The following SMAD6 variants were observed in gnomAD, a reference collection of about 807,000 sequenced individuals.
SMAD6 encodes SMAD family member 6.
A neutral mutation model predicts 39.4 loss-of-function variants in SMAD6; 103 were observed. The observed-to-expected ratio is 2.62, with a 90% CI of 2.23 to 3.08. The LOEUF is 3.08. SMAD6 is among the 30% of genes most tolerant of loss of function. SMAD6 has a pLI of 0.00. For missense variants in SMAD6, 1,104 were observed against 742.9 expected (o/e 1.49, Z -5.65); for synonymous variants, 445 against 353.3 (o/e 1.26, Z -2.91).
Position 66,747,648 on chromosome 15 carries a change from C to T in SMAD6, c.952+31150C>T, listed in dbSNP as rs909468994. 6.6e-6 allele frequency among the ~76,000 whole-genome samples: 1 copy of T among 152,212 alleles called. No homozygotes were observed. Among genetic ancestry groups the T allele is most frequent in the South Asian group, 2.1e-4 (1 of 4,834 alleles). On this transcript the variant is annotated intron_variant, in intron 3 of 3. Coordinates refer to ENST00000288840, the MANE Select transcript of SMAD6 (RefSeq NM_005585.5). This position sits in a 1 kb window ranked among gnomAD's most constrained non-coding sequence, Gnocchi z 4.5. The stretch of plus-strand genomic sequence containing the variant: ...TAGCCTTCCTCGGACACTGACTCCA[C>T]GGTTTCCCCCTTAGTCATACCTACC...
intron 3 of SMAD6, among the ~76,000 whole-genome samples, chr15:66,757,184 A>G (rs1028373790): frequency 1.3e-5 from 2 of 152,174 alleles, no homozygotes; most frequent in Admixed American, 6.5e-5. Flanking sequence ...TGAGACACGC[A>G]AAACACAGCA....
intron 3 of SMAD6, among the ~76,000 whole-genome samples, chr15:66,719,656 T>G (rs1893397078): frequency 6.6e-6 from 1 of 152,172 alleles, no homozygotes; most frequent in Admixed American, 6.5e-5. Context: ...GTCTCTGCTT[T>G]ACTTCCCTGT....
intron 3 of SMAD6, among the ~76,000 whole-genome samples, chr15:66,720,877 C>T (rs1481474194): frequency 6.6e-6 from 1 of 152,198 alleles, no homozygotes; most frequent in Non-Finnish European, 1.5e-5. Flanking sequence ...AACCTTGGCC[C>T]TCTGTGCCTG....
intron 3 of SMAD6, among the ~76,000 whole-genome samples, chr15:66,748,288 G>A (rs1422545348): frequency 2.6e-5 from 4 of 151,836 alleles, no homozygotes; most frequent in African/African-American, 9.7e-5. Flanking sequence ...AATATCAGAA[G>A]AGTTTGTGTG....
At chr15:66,723,701 AAAAC>A (rs1382734855) in intron 3 of SMAD6, among the ~76,000 whole-genome samples, 1 of 152,222 alleles carries the variant, frequency 6.6e-6, no homozygotes, top group African/African-American at 2.4e-5. Context: ...ATAAAAATTA[AAAAC>A]AAAGAAGAAT....
At chr15:66,751,613 G>A (rs1894007473) in intron 3 of SMAD6, among the ~76,000 whole-genome samples, 1 of 152,244 alleles carries the variant, frequency 6.6e-6, no homozygotes, top group Non-Finnish European at 1.5e-5. Context: ...CCTGTGTCAA[G>A]GTCAATGCAA....
At position 66,767,959 on chromosome 15, in the gene SMAD6, CTTT is replaced by C. The variant is rs71142337; in HGVS notation, c.953-13013_953-13011del. ...TTGGAGTGATTATCCCAAGCTGCAT[CTTT>C]TTTTTTTTTTTTTTTTTTTTTTTTG... is the stretch of plus-strand genomic sequence containing the variant. On this transcript the variant is annotated intron_variant, in intron 3 of 3. Transcript: ENST00000288840. Among the ~76,000 whole-genome samples the C allele has an allele frequency of 6.5e-3, 389 of 60,266 alleles. 16 individuals carry two copies. In the East Asian group the frequency reaches 0.17, roughly 26 times the overall value. 39.5% of individuals were successfully genotyped at this position (60,266 alleles called of 152,430 possible). A position where few individuals can be genotyped will look rare whatever the true frequency, so the allele number is the denominator to read the frequency against.
intron 1 of SMAD6, among the ~76,000 whole-genome samples, chr15:66,710,112 T>C (rs1235751803): frequency 6.6e-6 from 1 of 152,192 alleles, no homozygotes; most frequent in Non-Finnish European, 1.5e-5. Context: ...GAATCCCAGC[T>C]CCACCATGAC....
chr15:66,706,173 C>G (rs1893106554), intron 1 of SMAD6: 1 of 152,290 alleles, frequency 6.6e-6, no homozygotes, highest in South Asian at 2.1e-4. Flanking sequence ...TGGTCCCAGG[C>G]TCTGCCCAGC....
intron 3 of SMAD6, among the ~76,000 whole-genome samples, chr15:66,768,044 A>T (rs566875742): frequency 1.1e-4 from 14 of 131,944 alleles, no homozygotes; most frequent in African/African-American, 4.1e-4. Context: ...ACCACGGTTC[A>T]CTGCAGCCTC....
intron 2 of SMAD6, among the ~76,000 whole-genome samples, chr15:66,715,852 G>C (rs1181262061): frequency 2.6e-5 from 4 of 151,988 alleles, no homozygotes; most frequent in Non-Finnish European, 2.9e-5. Context: ...GTTAGGGAGT[G>C]GGGGAGGGGA....
At chr15:66,748,618 C>T (rs894527473) in intron 3 of SMAD6, among the ~76,000 whole-genome samples, 2 of 152,130 alleles carry the variant, frequency 1.3e-5, no homozygotes, top group East Asian at 1.9e-4. Context: ...ATCTTTAAAA[C>T]GTTAGCGTTT....
chr15:66,761,118 G>A (rs1400140636), intron 3 of SMAD6, among the ~76,000 whole-genome samples: 4 of 152,148 alleles, frequency 2.6e-5, no homozygotes, highest in African/African-American at 9.7e-5. Flanking sequence ...CAGATGGGGC[G>A]TCTGGATTGC....
In SMAD6 at chr15:66,703,492, G is replaced by C. The variant is rs1893026255; in HGVS notation, c.234G>C (p.Gln78His). Residue 78 changes from glutamine (Q) to histidine (H), a missense_variant, in exon 1 of 4, where the codon CAG (glutamine) becomes CAC (histidine). Transcript: ENST00000288840. ...ACGCAGTGGGACAGCGAGGCGCCCA[G>C]GGCGCGGGGAGGCGCCGGCGCGCAG... Reference protein sequence around the residue: ...PRDAVGQRGAQGAGRRRRAGG... With the variant: ...PRDAVGQRGAHGAGRRRRAGG... 2 of 1,232,330 alleles carry C rather than the reference G, an allele frequency of 1.6e-6. No individual in the cohort carries two copies. Among genetic ancestry groups the C allele is most frequent in the African/African-American group, 3.1e-5 (2 of 63,704 alleles). The allele number at this position is 1,232,330 out of a possible 1,614,324, so 76.3% of individuals were successfully genotyped here.
rs1484355495 is a variant in SMAD6 at position 66,703,796 on chromosome 15, C to G, written c.538C>G (p.Leu180Val). 9.7e-6 allele frequency: 14 copies of G among 1,441,792 alleles called. No individual in the cohort carries two copies. The highest frequency in any genetic ancestry group is 1.3e-5 in the Non-Finnish European group (14 of 1,087,116). 89.3% of individuals were successfully genotyped at this position (1,441,792 alleles called of 1,614,324 possible). Residue 180 changes from leucine (L) to valine (V), a missense_variant, in exon 1 of 4, where the codon CTG becomes GTG. Leu to Val is a conservative substitution (Grantham distance 32). Transcript: ENST00000288840. ...QELKTVTYSLLKRLKERSLDT... is the reference protein window; with the variant it reads ...QELKTVTYSLVKRLKERSLDT... ...ACTCAAAACCGTCACGTACTCGCTG[C>G]TGAAGCGGCTCAAGGAGCGCTCGCT...
intron 3 of SMAD6, among the ~76,000 whole-genome samples, chr15:66,731,528 C>CTAG (rs1893629840): frequency 6.6e-6 from 1 of 152,082 alleles, no homozygotes; most frequent in Non-Finnish European, 1.5e-5. Context: ...TGATTTCTGT[C>CTAG]TCTATAGTTT....
intron 3 of SMAD6, among the ~76,000 whole-genome samples, chr15:66,751,331 G>A (rs374677252): frequency 5.7e-4 from 86 of 152,200 alleles, no homozygotes; most frequent in African/African-American, 2.0e-3. Context: ...GAACCTACTC[G>A]CCCACCAATT....
At chr15:66,722,554 C>T (rs1157980440) in intron 3 of SMAD6, among the ~76,000 whole-genome samples, 3 of 152,070 alleles carry the variant, frequency 2.0e-5, no homozygotes, top group Non-Finnish European at 4.4e-5. Flanking sequence ...CAATTGTGGC[C>T]AGCACCACCC....
chr15:66,771,681 C>T (rs527352924), intron 3 of SMAD6, among the ~76,000 whole-genome samples: 5 of 152,296 alleles, frequency 3.3e-5, no homozygotes, highest in Admixed American at 2.6e-4. Flanking sequence ...TGCACTCTGA[C>T]TTTGGGTCTG....
Sources: gnomAD v4.1 joint callset for allele counts (sites outside exome capture counted in the v4.1 genomes callset) on GRCh38, gnomAD v4.1.1 for gene constraint, Gnocchi (gnomAD v3.1) non-coding constraint, MANE v1.5 for transcripts, NCBI Gene and HGNC (gene_info 2026-07-23, HGNC 2026-07-21) for gene names.